MRTFA: variants seen among roughly 807,000 people sequenced by gnomAD.
MRTFA encodes the protein myocardin-related transcription factor A.
In MRTFA, 20 loss-of-function variants were observed where a neutral mutation model predicts 83.5. The observed-to-expected ratio is 0.24, with a 90% CI of 0.17 to 0.35. The LOEUF (loss-of-function observed/expected upper bound fraction) is 0.35, where lower values mean the gene tolerates loss of function less well. Among genes scored for constraint, MRTFA ranks in the 10% least tolerant of loss-of-function variants. The probability of loss-of-function intolerance (pLI) is 1.00; values close to 1 mark genes in which losing one functional copy is unlikely to be tolerated. For missense variants in MRTFA, 1,200 were observed against 1,224.7 expected (o/e 0.98, Z 0.30); for synonymous variants, 659 against 541.2 (o/e 1.22, Z -3.02).
intron 3 of MRTFA, among the ~76,000 whole-genome samples, chr22:40,512,494 A>G (rs1317612530): frequency 1.3e-5 from 2 of 152,234 alleles, no homozygotes; most frequent in African/African-American, 4.8e-5. Context: ...CTGAAAGAAT[A>G]CATCATAAGC....
At chr22:40,486,095 G>A (rs958632445) in intron 3 of MRTFA, among the ~76,000 whole-genome samples, 3 of 152,162 alleles carry the variant, frequency 2.0e-5, no homozygotes, top group Non-Finnish European at 2.9e-5. Context: ...CACCCCAAGG[G>A]AGTGGGCTTG....
chr22:40,577,065 A>C (rs1387404324), intron 2 of MRTFA, among the ~76,000 whole-genome samples: 2 of 152,032 alleles, frequency 1.3e-5, no homozygotes, highest in Non-Finnish European at 2.9e-5. Context: ...TCCACAAAAA[A>C]TTTAAAAATT....
chr22:40,626,204 C>T (rs1011684207), intron 1 of MRTFA, among the ~76,000 whole-genome samples: 13 of 152,030 alleles, frequency 8.6e-5, no homozygotes, highest in Non-Finnish European at 1.6e-4. Context: ...AGACTGGTCT[C>T]GAACTGCTGA....
At chr22:40,606,987 C>T (rs930981889) in intron 1 of MRTFA, among the ~76,000 whole-genome samples, 55 of 152,190 alleles carry the variant, frequency 3.6e-4, no homozygotes, top group African/African-American at 1.3e-3. Context: ...ACAAAAATAA[C>T]TATTTTGTTA....
Position 40,429,702 on chromosome 22 carries a change from C to A in MRTFA, c.505G>T (p.Asp169Tyr), listed in dbSNP as rs2053028633. 6.2e-7 allele frequency: 1 copy of A among 1,613,980 alleles called. No individual in the cohort carries two copies. The highest frequency in any genetic ancestry group is 1.7e-5 in the Admixed American group (1 of 59,992). Residue 169 changes from aspartate (D) to tyrosine (Y), a missense_variant, in exon 7 of 15, where the codon GAC (aspartate) becomes TAC (tyrosine). Asp to Tyr is a radical substitution (Grantham distance 160, BLOSUM62 -3). Coordinates refer to ENST00000355630, the MANE Select transcript of MRTFA (RefSeq NM_020831.6). ...CTCTGTGCAATCTTCTCATTGAGGT[C>A]ATCGGCTAGTCTGGCTCTCTTCAGC...
intron 4 of MRTFA, among the ~76,000 whole-genome samples, chr22:40,459,899 T>C (rs117262463): frequency 0.021 from 3,011 of 141,854 alleles, 46 homozygotes; most frequent in Non-Finnish European, 0.034. Context: ...GAGATCATAG[T>C]CTAGCAGGAG....
intron 3 of MRTFA, among the ~76,000 whole-genome samples, chr22:40,505,697 G>T (rs1437579144): frequency 6.6e-6 from 1 of 152,186 alleles, no homozygotes; most frequent in Admixed American, 6.5e-5. Context: ...CTTTCGGGTG[G>T]CTTGCCCTTC....
chr22:40,537,748 A>G (rs1426309574), intron 3 of MRTFA, among the ~76,000 whole-genome samples: 71 of 17,318 alleles, frequency 4.1e-3, no homozygotes, highest in Non-Finnish European at 4.9e-3. Context: ...CCGGCCAGTC[A>G]CCCCGTCCGG....
rs992137604 is a variant in MRTFA, at chr22:40,550,155, G to A, written c.241+1951C>T. ...CAGGTAGAATCTAAGAGATGGGCAC[G>A]CAGGTATTCACTGTAAAGTTCTTCC... On this transcript the variant is annotated intron_variant, in intron 3 of 14. Transcript: ENST00000355630. Among the ~76,000 whole-genome samples the A allele has an allele frequency of 6.6e-5, 10 of 151,166 alleles. No individual in the cohort carries two copies. The East Asian group carries it at 9.7e-4, about 15-fold the overall frequency.
At chr22:40,429,534 G>T in intron 7 of MRTFA, 72 bp downstream of exon 7, 1 of 1,573,280 alleles carries the variant, frequency 6.4e-7, no homozygotes. Context: ...GCCCAATTCT[G>T]CTTCAGCCTG....
At chr22:40,422,322 C>T (rs985363967) in intron 9 of MRTFA, among the ~76,000 whole-genome samples, 4 of 152,190 alleles carry the variant, frequency 2.6e-5, no homozygotes, top group Admixed American at 2.0e-4. Flanking sequence ...TGTTTCAGTA[C>T]ACTGGTGAGG....
intron 3 of MRTFA, among the ~76,000 whole-genome samples, chr22:40,508,273 G>T (rs2054611949): frequency 6.6e-6 from 1 of 151,950 alleles, no homozygotes; most frequent in Admixed American, 6.6e-5. Context: ...ACTTTGGGAG[G>T]CCGAGGCGGG....
chr22:40,612,958 TA>T (rs1283918544), intron 1 of MRTFA, among the ~76,000 whole-genome samples: 1 of 152,102 alleles, frequency 6.6e-6, no homozygotes. Context: ...AAAACAACAA[TA>T]ACAAGGACAT....
At chr22:40,475,409 T>C (rs755500295) in intron 3 of MRTFA, among the ~76,000 whole-genome samples, 40 of 151,906 alleles carry the variant, frequency 2.6e-4, no homozygotes, top group Non-Finnish European at 5.1e-4. Flanking sequence ...TGGTGGTGCA[T>C]GCTTGTAATC....
intron 3 of MRTFA, among the ~76,000 whole-genome samples, chr22:40,503,094 G>A (rs2054523558): frequency 6.6e-6 from 1 of 152,036 alleles, no homozygotes; most frequent in African/African-American, 2.4e-5. Flanking sequence ...CTGCTTAAAG[G>A]CCTCCAAGCT....
At chr22:40,431,719 T>C (rs560227240) in intron 5 of MRTFA, among the ~76,000 whole-genome samples, 1 of 152,310 alleles carries the variant, frequency 6.6e-6, no homozygotes, top group South Asian at 2.1e-4. Flanking sequence ...TCTCTGAGGC[T>C]GGACTGACAA....
intron 3 of MRTFA, among the ~76,000 whole-genome samples, chr22:40,490,582 G>C (rs2054256183): frequency 6.8e-6 from 1 of 148,026 alleles, no homozygotes; most frequent in African/African-American, 2.5e-5. Context: ...CTGGGCGACA[G>C]AGTGAGATTC....
intron 4 of MRTFA, among the ~76,000 whole-genome samples, chr22:40,441,718 C>A (rs1233902459): frequency 6.6e-6 from 1 of 151,156 alleles, no homozygotes; most frequent in East Asian, 1.9e-4. Context: ...ACCTGGGAGG[C>A]GAAGGTTGCA....
At chr22:40,631,805 G>C (rs1391102629) in intron 1 of MRTFA, among the ~76,000 whole-genome samples, 1 of 152,136 alleles carries the variant, frequency 6.6e-6, no homozygotes, top group East Asian at 1.9e-4. Flanking sequence ...ATCTGATAAA[G>C]GAATTAAATT....
Sources: gnomAD v4.1 joint callset for allele counts (sites outside exome capture counted in the v4.1 genomes callset) on GRCh38, gnomAD v4.1.1 for gene constraint, MANE v1.5 for transcripts, NCBI Gene and HGNC (gene_info 2026-07-23, HGNC 2026-07-21) for gene names.